ANKFN1: variants seen among roughly 807,000 people sequenced by gnomAD.
ANKFN1 encodes the protein ankyrin repeat and fibronectin type III domain containing 1.
ANKFN1 carries 74 observed loss-of-function variants against 108.7 expected under a neutral mutation model. The ratio of observed to expected loss-of-function variants is 0.68; its 90% CI spans 0.56 to 0.83. The LOEUF (loss-of-function observed/expected upper bound fraction) is 0.83, where lower values mean the gene tolerates loss of function less well. Ranked by LOEUF, ANKFN1 falls within the 40% of genes least tolerant of loss-of-function variation. The probability of loss-of-function intolerance (pLI) is 0.00; values close to 1 mark genes in which losing one functional copy is unlikely to be tolerated. For missense variants in ANKFN1, 1,505 were observed against 1,382.3 expected, an observed-to-expected ratio of 1.09 and a Z score of -1.41; for synonymous variants, 547 against 516.2, an observed-to-expected ratio of 1.06 and a Z score of -0.81.
At chr17:56,273,360 A>C (rs1348006702) in intron 3 of ANKFN1, among the ~76,000 whole-genome samples, 2 of 151,958 alleles carry the variant, frequency 1.3e-5, no homozygotes, top group African/African-American at 4.8e-5. Context: ...TGACACTTGG[A>C]TTTTTTTCCC....
At chr17:56,288,120 AT>A (rs1329110120) in intron 3 of ANKFN1, among the ~76,000 whole-genome samples, 4 of 151,794 alleles carry the variant, frequency 2.6e-5, no homozygotes, top group African/African-American at 9.7e-5. Flanking sequence ...CACAATTTCC[AT>A]TTTAATTTTT....
At chr17:56,100,590 C>T (rs1469253149) in intron 4 of ANKFN1, among the ~76,000 whole-genome samples, 3 of 152,056 alleles carry the variant, frequency 2.0e-5, no homozygotes, top group Non-Finnish European at 4.4e-5. Flanking sequence ...AGCTCTTGGC[C>T]TTCTATTTCT....
At chr17:56,209,991 C>T (rs534585699) in intron 1 of ANKFN1, among the ~76,000 whole-genome samples, 14 of 151,956 alleles carry the variant, frequency 9.2e-5, no homozygotes, top group South Asian at 4.2e-4. Flanking sequence ...CTGCAAATGC[C>T]GTTAATTCAT....
chr17:56,357,481 A>G (rs578155331), intron 6 of ANKFN1, among the ~76,000 whole-genome samples: 6 of 152,276 alleles, frequency 3.9e-5, no homozygotes, highest in Non-Finnish European at 5.9e-5. Context: ...CACATAACCA[A>G]TATGGAGGGC....
At chr17:56,334,786 C>T (rs1305819627) in intron 4 of ANKFN1, among the ~76,000 whole-genome samples, 1 of 151,998 alleles carries the variant, frequency 6.6e-6, no homozygotes, top group Non-Finnish European at 1.5e-5. Context: ...TGCTTAAAAC[C>T]ACCATAAAGA....
At chr17:56,170,807 T>TATATACACACACAC (rs1361307404) in intron 1 of ANKFN1, among the ~76,000 whole-genome samples, 7 of 61,460 alleles carry the variant, frequency 1.1e-4, no homozygotes, top group Admixed American at 4.2e-4. Flanking sequence ...TATATATATA[T>TATATACACACACAC]ACACACACAC....
At chr17:56,403,492 C>T (rs977128965) in intron 8 of ANKFN1, among the ~76,000 whole-genome samples, 5 of 151,980 alleles carry the variant, frequency 3.3e-5, no homozygotes, top group Non-Finnish European at 7.4e-5. Flanking sequence ...GCTTGCTTTT[C>T]GTGTCCATTT....
intron 4 of ANKFN1, among the ~76,000 whole-genome samples, chr17:56,049,223 T>A (rs1166108381): frequency 6.6e-6 from 1 of 152,164 alleles, no homozygotes; most frequent in Non-Finnish European, 1.5e-5. Context: ...ATTGCTTCAG[T>A]GATTATCTCT....
intron 1 of ANKFN1, among the ~76,000 whole-genome samples, chr17:56,158,768 T>C (rs551097433): frequency 2.0e-5 from 3 of 151,996 alleles, no homozygotes; most frequent in African/African-American, 7.2e-5. Context: ...GCATGTATTT[T>C]CCCCCCTAAA....
chr17:56,506,692 C>G (rs934029750), intron 20 of ANKFN1, among the ~76,000 whole-genome samples: 1 of 151,236 alleles, frequency 6.6e-6, no homozygotes, highest in African/African-American at 2.4e-5. Context: ...TCAAGAAGCC[C>G]TAAGAGTTTA....
At chr17:56,295,897 G>A (rs2044496726) in intron 3 of ANKFN1, among the ~76,000 whole-genome samples, 1 of 152,182 alleles carries the variant, frequency 6.6e-6, no homozygotes, top group African/African-American at 2.4e-5. Flanking sequence ...CATGAGGGTG[G>A]AGGCCTCATG....
Position 56,302,309 on chromosome 17 carries a change from G to A in ANKFN1, c.54-23912G>A, listed in dbSNP as rs555055154. ...GGAGCCTGAGGCAGGAGGATCACTTGAGACCAGGAGTTTGAGACCAGTCTG... is the reference window on the plus strand; with the variant it reads ...GGAGCCTGAGGCAGGAGGATCACTTAAGACCAGGAGTTTGAGACCAGTCTG... On this transcript the variant is annotated intron_variant, in intron 3 of 20. Coordinates refer to ENST00000682825, the MANE Select transcript of ANKFN1 (RefSeq NM_001370326.1). Among the ~76,000 whole-genome samples the A allele has an allele frequency of 3.9e-5, 6 of 152,254 alleles. No individual in the cohort carries two copies. The South Asian group carries it at 1.0e-3, about 26-fold the overall frequency.
At chr17:56,139,869 C>T (rs1907815841) in intron 4 of ANKFN1, among the ~76,000 whole-genome samples, 1 of 152,264 alleles carries the variant, frequency 6.6e-6, no homozygotes, top group East Asian at 1.9e-4. Context: ...TACGTTTCTT[C>T]ATATCCTTTT....
chr17:56,313,112 C>G (rs1313930311), intron 3 of ANKFN1, among the ~76,000 whole-genome samples: 4 of 150,466 alleles, frequency 2.7e-5, no homozygotes, highest in African/African-American at 9.8e-5. Context: ...GAGATCATGC[C>G]ACTGCACTCT....
intron 4 of ANKFN1, among the ~76,000 whole-genome samples, chr17:56,345,125 G>T (rs2046063060): frequency 6.6e-6 from 1 of 151,914 alleles, no homozygotes; most frequent in Non-Finnish European, 1.5e-5. Context: ...CCCCACTTAT[G>T]AGTGAGAACA....
intron 4 of ANKFN1, among the ~76,000 whole-genome samples, chr17:56,092,091 A>G (rs1440431554): frequency 2.0e-5 from 3 of 151,388 alleles, no homozygotes; most frequent in Non-Finnish European, 4.4e-5. Context: ...AAAGAAAAAC[A>G]ATGTAGCCTT....
At chr17:56,285,151 G>C (rs1015694643) in intron 3 of ANKFN1, among the ~76,000 whole-genome samples, 1 of 152,112 alleles carries the variant, frequency 6.6e-6, no homozygotes, top group Admixed American at 6.6e-5. Flanking sequence ...AATTTTAATT[G>C]AACCACACCA....
intron 4 of ANKFN1, among the ~76,000 whole-genome samples, chr17:56,338,651 T>A (rs2045880947): frequency 6.6e-6 from 1 of 152,040 alleles, no homozygotes; most frequent in African/African-American, 2.4e-5. Context: ...TTTCTTTTTT[T>A]CAGTTCAGTT....
At chr17:56,112,848 A>G (rs1906044552) in intron 4 of ANKFN1, among the ~76,000 whole-genome samples, 4 of 152,156 alleles carry the variant, frequency 2.6e-5, no homozygotes, top group Admixed American at 2.6e-4. Context: ...GATGGTTCCT[A>G]TTTCTTCACA....
Sources: gnomAD v4.1 joint callset for allele counts (sites outside exome capture counted in the v4.1 genomes callset) on GRCh38, gnomAD v4.1.1 for gene constraint, MANE v1.5 for transcripts, NCBI Gene and HGNC (gene_info 2026-07-23, HGNC 2026-07-21) for gene names.